Variants in BSG observed in about 807,000 individuals in gnomAD.
BSG encodes the protein basigin.
In BSG, 37 loss-of-function variants were observed where a neutral mutation model predicts 43.1. The observed-to-expected ratio is 0.86, with a 90% CI of 0.66 to 1.13. BSG has a LOEUF of 1.13. BSG is among the 50% of genes most tolerant of loss of function. BSG has a pLI of 0.00. For missense variants in BSG, 599 were observed against 554.2 expected (o/e 1.08, Z -0.81); for synonymous variants, 309 against 238.7 (o/e 1.29, Z -2.72).
At chr19:581,837 C>T (rs1244835239) in intron 6 of BSG, among the ~76,000 whole-genome samples, 1 of 152,286 alleles carries the variant, frequency 6.6e-6, no homozygotes, top group Non-Finnish European at 1.5e-5. Context: ...TCACCCGGCC[C>T]TTCCCTCCCG....
chr19:582,291 G>A lies in BSG; in HGVS notation c.1070-15G>A, dbSNP rs1390870805. The stretch of plus-strand genomic sequence containing the variant: ...TCCTCTCGTCCTCTTTTTCATGGCG[G>A]CGGTCCTTCTTCAGATGACGACGCC... On this transcript the variant is annotated splice_polypyrimidine_tract_variant and intron_variant, in intron 6 of 8. Coordinates refer to ENST00000333511, the MANE Select transcript of BSG (RefSeq NM_001728.4). 1.2e-6 allele frequency: 2 copies of A among 1,604,178 alleles called. No individual in the cohort carries two copies. Among genetic ancestry groups the A allele is most frequent in the Non-Finnish European group, 1.7e-6 (2 of 1,177,962 alleles).
At chr19:578,756 A>C in intron 2 of BSG, 3 of 238,754 alleles carry the variant, frequency 1.3e-5, no homozygotes, top group East Asian at 1.4e-4. Context: ...TTTCCTGGAG[A>C]TGGAGTCTTG....
Position 583,268 on chromosome 19 carries a change from G to A in BSG, c.*524G>A, listed in dbSNP as rs13676. The A allele has an allele frequency of 0.055, 8,389 of 152,474 alleles. 372 individuals are homozygous for A. The highest frequency in any genetic ancestry group is 0.13 in the Admixed American group (2,038 of 15,308). The allele number at this position is 152,474 out of a possible 1,614,324, so 9.4% of individuals were successfully genotyped here. Reference sequence around the variant, plus strand: ...ACTTGCCCACACCGAGGGCGACCCCGTCACAGCCTCAAGTCACTCCCAAGC... The same window carrying A: ...ACTTGCCCACACCGAGGGCGACCCCATCACAGCCTCAAGTCACTCCCAAGC... On this transcript the variant is annotated 3_prime_UTR_variant, in exon 9 of 9. Coordinates refer to ENST00000333511, the MANE Select transcript of BSG (RefSeq NM_001728.4).
chr19:580,474 G>GC lies in BSG; in HGVS notation c.655+15dup. Reference sequence around the variant, plus strand: ...ATCCAGCTCCACGGTGAGTCCTGCAGCCAGGGGTACCGGGCACCACCGACT... The same window carrying GC: ...ATCCAGCTCCACGGTGAGTCCTGCAGCCCAGGGGTACCGGGCACCACCGACT... On this transcript the variant is annotated intron_variant, in intron 4 of 8. Transcript: ENST00000333511. The GC allele has an allele frequency of 6.2e-7, 1 of 1,609,780 alleles. No homozygotes were observed.
At chr19:576,716 A>G (rs2238544) in intron 1 of BSG, among the ~76,000 whole-genome samples, 87,242 of 150,546 alleles carry the variant, frequency 0.58, 27,739 homozygotes, top group African/African-American at 0.84. Flanking sequence ...AGCTGAGATT[A>G]CACCACTGCT....
rs969890493 is a variant in BSG, at chr19:582,831, C to T, written c.*87C>T. 3 of 559,426 alleles carry T rather than the reference C, an allele frequency of 5.4e-6. No individual in the cohort carries two copies. Among genetic ancestry groups the T allele is most frequent in the Middle Eastern group, 2.7e-4 (1 of 3,724 alleles). 34.7% of individuals were successfully genotyped at this position (559,426 alleles called of 1,614,324 possible). Reference sequence around the variant, plus strand: ...GTGCTTGCAAGATTCCAAGTTCTCACCTCTTAAAGAAAACCCACCCCGTAG... The same window carrying T: ...GTGCTTGCAAGATTCCAAGTTCTCATCTCTTAAAGAAAACCCACCCCGTAG... On this transcript the variant is annotated 3_prime_UTR_variant, in exon 9 of 9. Coordinates refer to ENST00000333511, the MANE Select transcript of BSG (RefSeq NM_001728.4).
At chr19:574,901 C>T (rs1981629930) in intron 1 of BSG, 1 of 152,306 alleles carries the variant, frequency 6.6e-6, no homozygotes, top group African/African-American at 2.4e-5. Flanking sequence ...GCCGCCCCCG[C>T]CAGCCCTGTG....
intron 3 of BSG, chr19:580,029 G>T: frequency 2.4e-6 from 1 of 410,342 alleles, no homozygotes; most frequent in South Asian, 3.2e-5. Flanking sequence ...TGTCATGGCC[G>T]GAGCTTTGTC....
Position 580,304 on chromosome 19 carries a change from C to T in BSG, c.573-75C>T, listed in dbSNP as rs963123686. 803 of 1,377,042 alleles carry T rather than the reference C, an allele frequency of 5.8e-4. 3 individuals carry two copies. Among genetic ancestry groups the T allele is most frequent in the Non-Finnish European group, 2.2e-4 (215 of 988,434 alleles). 85.3% of individuals were successfully genotyped at this position (1,377,042 alleles called of 1,614,324 possible). On this transcript the variant is annotated intron_variant, in intron 3 of 8. Coordinates refer to ENST00000333511, the MANE Select transcript of BSG (RefSeq NM_001728.4). ...GCTTTTTCACTGTGCCGTGGTTGGG[C>T]CCCTGGAGAACCCTGGGTCCTTGGA...
intron 3 of BSG, chr19:580,103 C>T (rs1036518708): frequency 2.4e-5 from 11 of 463,698 alleles, no homozygotes; most frequent in Admixed American, 1.6e-4. Context: ...ACTGGGAAGA[C>T]GGTCACAGGG....
chr19:577,640 C>T, intron 1 of BSG, 134 bp from the exon 2 acceptor site: 1 of 706,922 alleles, frequency 1.4e-6, no homozygotes, highest in East Asian at 3.3e-5. Flanking sequence ...GGCCCCATCA[C>T]TCTCCCACAA....
At chr19:571,446 C>T (rs760635317), upstream of BSG, 10 of 748,880 alleles carry the variant, frequency 1.3e-5, no homozygotes, top group African/African-American at 1.5e-4. Context: ...TCACCGTGGT[C>T]GCCGCGGAAC....
rs560734336 is a variant in BSG, at chr19:577,756, C to G, written c.68-18C>G. ...TGCCCCAGGCACTAACAAGACCCCACGCGTGCTCTCCCCACAGCCGGCTTC... is the reference window on the plus strand; with the variant it reads ...TGCCCCAGGCACTAACAAGACCCCAGGCGTGCTCTCCCCACAGCCGGCTTC... On this transcript the variant is annotated intron_variant, in intron 1 of 8. Transcript: ENST00000333511. 2.9e-6 allele frequency: 4 copies of G among 1,395,180 alleles called. 1 individual carries two copies. The South Asian group carries it at 6.8e-5, about 24-fold the overall frequency. 86.4% of individuals were successfully genotyped at this position (1,395,180 alleles called of 1,614,324 possible).
rs1568353798 is a variant in BSG at position 581,191 on chromosome 19, CCCGGACTCAGCCCT to C, written c.793-116_793-103del. ...TGGGTGAGGGGCCTAGACTGGGGGT[CCCGGACTCAGCCCT>C]CCGGACTGGGTGAGGGGCCTAGACT... On this transcript the variant is annotated intron_variant, in intron 5 of 8. Coordinates refer to ENST00000333511, the MANE Select transcript of BSG (RefSeq NM_001728.4). 15 of 774,790 alleles carry C rather than the reference CCCGGACTCAGCCCT, an allele frequency of 1.9e-5. 1 individual carries two copies. The South Asian group carries it at 2.7e-4, about 14-fold the overall frequency. 48.0% of individuals were successfully genotyped at this position (774,790 alleles called of 1,614,324 possible).
intron 1 of BSG, 79 bp downstream of exon 1, chr19:572,780 G>C (rs1474149950): frequency 2.3e-6 from 3 of 1,298,274 alleles, no homozygotes; most frequent in Admixed American, 4.0e-5. Context: ...CGAAGCCGAC[G>C]GGAGCCTGGG....
Position 580,529 on chromosome 19 carries a change from C to G in BSG, c.655+68C>G, listed in dbSNP as rs1340939666. 19 of 1,604,028 alleles carry G rather than the reference C, an allele frequency of 1.2e-5. No homozygotes were observed. The East Asian group carries it at 4.2e-4, about 36-fold the overall frequency. On this transcript the variant is annotated intron_variant, in intron 4 of 8. Coordinates refer to ENST00000333511, the MANE Select transcript of BSG (RefSeq NM_001728.4). ...GGAGAAGTTGTTGGCCTGAGGCACC[C>G]GGCACATCCCAGAGCCCTGGCCCCC...
upstream of BSG, chr19:571,833 A>G: frequency 1.9e-6 from 1 of 539,250 alleles, no homozygotes; most frequent in Non-Finnish European, 3.3e-6. Context: ...CCGGTTGGCT[A>G]AAACTTAAAA....
upstream of BSG, chr19:571,664 C>A: frequency 2.6e-6 from 2 of 764,402 alleles, no homozygotes; most frequent in East Asian, 2.5e-5. Flanking sequence ...GAGAAACCAG[C>A]ACTTAGAAAA....
At chr19:572,829 C>T (rs1600472467) in intron 1 of BSG, 128 bp downstream of exon 1, 1 of 1,119,174 alleles carries the variant, frequency 8.9e-7, no homozygotes, top group African/African-American at 1.6e-5. Context: ...AAAGGCCGGC[C>T]CCGGGGGCTT....
Sources: gnomAD v4.1 joint callset for allele counts (sites outside exome capture counted in the v4.1 genomes callset) on GRCh38, gnomAD v4.1.1 for gene constraint, MANE v1.5 for transcripts, NCBI Gene and HGNC (gene_info 2026-07-23, HGNC 2026-07-21) for gene names.